The following DST variants were observed in gnomAD, a reference collection of about 807,000 sequenced individuals.
The protein encoded by DST is bullous pemphigoid antigen.
A neutral mutation model predicts 875.2 loss-of-function variants in DST; 253 were observed. The ratio of observed to expected loss-of-function variants is 0.29; its 90% confidence interval spans 0.26 to 0.32. The LOEUF (loss-of-function observed/expected upper bound fraction) is 0.32, where lower values mean the gene tolerates loss of function less well. Among genes scored for constraint, DST ranks in the 10% least tolerant of loss-of-function variants. DST has a pLI of 1.00. For missense variants in DST, 8,287 were observed against 9,111.6 expected (o/e 0.91, Z 3.68); for synonymous variants, 3,124 against 3,197.1 (o/e 0.98, Z 0.77).
intron 9 of DST, among the ~76,000 whole-genome samples, chr6:56,681,168 CT>C (rs985028398): frequency 2.1e-4 from 32 of 152,118 alleles, no homozygotes; most frequent in African/African-American, 7.5e-4. Flanking sequence ...GTATTTCCTC[CT>C]GCATTCCTAG....
At chr6:56,504,431 C>T (rs1451029605) in intron 77 of DST, among the ~76,000 whole-genome samples, 1 of 152,050 alleles carries the variant, frequency 6.6e-6, no homozygotes, top group Non-Finnish European at 1.5e-5. Flanking sequence ...TAAAAGGCAG[C>T]TTGTATAAAT....
chr6:56,779,301 T>G (rs2099686817), intron 4 of DST, among the ~76,000 whole-genome samples: 1 of 151,978 alleles, frequency 6.6e-6, no homozygotes, highest in Admixed American at 6.5e-5. Context: ...GTCAGATGAG[T>G]AGATTGCAAA....
In DST at chr6:56,603,915, C is replaced by G. The variant is rs1444408434; in HGVS notation, c.10713G>C (p.Leu3571=). 2.5e-6 allele frequency: 4 copies of G among 1,611,342 alleles called. No individual in the cohort carries two copies. Among genetic ancestry groups the G allele is most frequent in the African/African-American group, 1.3e-5 (1 of 74,856 alleles). ...TLPRDEKLKD[L]CNDFPSHLEC... The stretch of plus-strand genomic sequence containing the variant: ...CCAAATGGCTTGGGAAATCATTACA[C>G]AGATCCTTGAGCTTCTCATCTCTTG... The change falls in exon 40 of 104, where the codon CTG becomes CTC. Residue 3571 remains leucine, a synonymous_variant. Transcript: ENST00000680361.
At position 56,870,345 on chromosome 6, in the gene DST, G is replaced by A. The variant is rs187531284; in HGVS notation, c.418-18741C>T. On this transcript the variant is annotated intron_variant, in intron 3 of 103. Transcript: ENST00000680361. ...GACAATGATCGGGATATAAACCCAG[G>A]CACTCGAGCCAGCAAAGGCAACCCC... Among the ~76,000 whole-genome samples the A allele has an allele frequency of 7.4e-3, 1,103 of 149,330 alleles. 4 individuals are homozygous for A. The highest frequency in any genetic ancestry group is 0.012 in the Non-Finnish European group (782 of 67,746).
rs1794801385 is a variant in DST at position 56,902,925 on chromosome 6, T to TAC, written c.217-2306_217-2305dup. Among the ~76,000 whole-genome samples, 3 of 129,586 alleles carry TAC rather than the reference T, an allele frequency of 2.3e-5. No homozygotes were observed. In the South Asian group the frequency reaches 8.4e-4, roughly 36 times the overall value. 85.0% of individuals were successfully genotyped at this position (129,586 alleles called of 152,430 possible). Reference sequence around the variant, plus strand: ...CCACCCACCCGCCCCCTCCACCCTCTACACACACACATTCATTCTCTCTCT... The same window carrying TAC: ...CCACCCACCCGCCCCCTCCACCCTCTACACACACACACATTCATTCTCTCTCT... On this transcript the variant is annotated intron_variant, in intron 2 of 103. Transcript: ENST00000680361.
chr6:56,526,585 A>T lies in DST; in HGVS notation c.17923-18T>A, dbSNP rs1375073729. 24 of 1,609,258 alleles carry T rather than the reference A, an allele frequency of 1.5e-5. 1 individual carries two copies. In the Admixed American group the frequency reaches 4.0e-4, roughly 27 times the overall value. On this transcript the variant is annotated intron_variant, in intron 68 of 103. Coordinates refer to ENST00000680361, the MANE Select transcript of DST (RefSeq NM_001374736.1). ...TTCAGTTCCTGAAAACATACAAATA[A>T]GTTAGTAACACTTAAGAGCTTCAAC...
chr6:56,954,540 T>A lies in DST; in HGVS notation c.48A>T (p.Gln16His). 1 of 1,367,256 alleles carries A rather than the reference T, an allele frequency of 7.3e-7. No homozygotes were observed. The highest frequency in any genetic ancestry group is 9.8e-7 in the Non-Finnish European group (1 of 1,021,722). The allele number at this position is 1,367,256 out of a possible 1,614,324, so 84.7% of individuals were successfully genotyped here. ...GAAGCAACAAGAGGAAGAGGGCACA[T>A]TGGATGCTGTAGGGTCTCAGCAAGA... Reference protein sequence around the residue: ...FLVLLRPYSIQCALFLLLLLL... With the variant: ...FLVLLRPYSIHCALFLLLLLL... Residue 16 changes from glutamine to histidine, a missense_variant, in exon 1 of 104, where the codon CAA becomes CAT. By Grantham distance (24) the Gln-to-His change is conservative (BLOSUM62 0). Around this residue, in one of 10 missense-constraint regions of DST, gnomAD observed 1,160 missense variants for 1,424.3 expected, o/e 0.81. Transcript: ENST00000680361.
At chr6:56,718,931 G>T (rs1265443710) in intron 5 of DST, among the ~76,000 whole-genome samples, 1 of 152,126 alleles carries the variant, frequency 6.6e-6, no homozygotes, top group Non-Finnish European at 1.5e-5. Flanking sequence ...TGGGTACAAG[G>T]TTTCTTTTTG....
chr6:56,604,510 A>G lies in DST; in HGVS notation c.10118T>C (p.Val3373Ala), dbSNP rs749885653. The G allele has an allele frequency of 2.5e-5, 40 of 1,612,450 alleles. No homozygotes were observed. The highest frequency in any genetic ancestry group is 3.3e-5 in the Admixed American group (2 of 59,784). The change falls in exon 40 of 104, where the codon GTT becomes GCT. Residue 3373 changes from valine to alanine, a missense_variant. Val to Ala is a moderately conservative substitution (Grantham distance 64). Transcript: ENST00000680361. ...GTCTGCACAGGCTGAAGGTTCTTCA[A>G]CCTCTTGAGGGTTCATATGACCTTC... ...LKEGHMNPQE[V>A]EEPSACADTK... is the part of the protein sequence containing the mutation.
chr6:56,495,315 A>T (rs2095867834), intron 82 of DST, among the ~76,000 whole-genome samples: 1 of 151,910 alleles, frequency 6.6e-6, no homozygotes, highest in Admixed American at 6.6e-5. Context: ...GCTTTAAATC[A>T]CAAATTTAAA....
rs375712841 is a variant in DST at position 56,857,465 on chromosome 6, A to T, written c.418-5861T>A. ...TTTCTTCACAAACACTTAGAGAAGC[A>T]CTAGAAGCAGTGGCCTGTGTAAAGA... On this transcript the variant is annotated intron_variant, in intron 3 of 103. Transcript: ENST00000680361. Among the ~76,000 whole-genome samples the T allele has an allele frequency of 1.5e-4, 23 of 152,358 alleles. No individual in the cohort carries two copies. The East Asian group carries it at 2.7e-3, about 18-fold the overall frequency.
intron 36 of DST, chr6:56,617,049 C>A: frequency 1.2e-6 from 2 of 1,614,056 alleles, no homozygotes; most frequent in Non-Finnish European, 1.7e-6. Flanking sequence ...TAAAGCCCTG[C>A]AATTGAGGTG....
At chr6:56,531,034 T>C (rs934633507) in intron 64 of DST, among the ~76,000 whole-genome samples, 2 of 152,210 alleles carry the variant, frequency 1.3e-5, no homozygotes, top group African/African-American at 4.8e-5. Flanking sequence ...TTAAACATAA[T>C]TTCTATAACA....
At chr6:56,833,131 T>A (rs2099789318) in intron 4 of DST, among the ~76,000 whole-genome samples, 4 of 152,252 alleles carry the variant, frequency 2.6e-5, no homozygotes, top group Admixed American at 1.3e-4. Flanking sequence ...TCACTCTCTT[T>A]TTTCTAGCAA....
chr6:56,695,413 G>T (rs558869917), intron 9 of DST, among the ~76,000 whole-genome samples: 35 of 152,010 alleles, frequency 2.3e-4, no homozygotes, highest in African/African-American at 8.0e-4. Flanking sequence ...TAATACACCT[G>T]CCAAACTAAG....
At chr6:56,749,268 C>T (rs900278021) in intron 4 of DST, among the ~76,000 whole-genome samples, 1 of 152,056 alleles carries the variant, frequency 6.6e-6, no homozygotes, top group East Asian at 1.9e-4. Flanking sequence ...GCAGGAGAAT[C>T]GCTTTAACCC....
At chr6:56,875,040 G>A (rs866575562) in intron 3 of DST, among the ~76,000 whole-genome samples, 20 of 152,314 alleles carry the variant, frequency 1.3e-4, no homozygotes, top group Middle Eastern at 6.8e-3. Context: ...CTGAAGTGCA[G>A]TGGCGCGATC....
At chr6:56,771,657 G>C (rs1021454407) in intron 4 of DST, among the ~76,000 whole-genome samples, 3 of 152,068 alleles carry the variant, frequency 2.0e-5, no homozygotes, top group Non-Finnish European at 4.4e-5. Flanking sequence ...TGCTTGCCAT[G>C]AATACAAAAT....
chr6:56,871,417 G>A, intron 3 of DST: 2 of 1,586,680 alleles, frequency 1.3e-6, no homozygotes, highest in Non-Finnish European at 1.7e-6. Context: ...GCCAAGCAGT[G>A]AGGCCGGACA....
Sources: allele counts gnomAD v4.1 joint callset (sites outside exome capture counted in the v4.1 genomes callset), GRCh38; gene constraint gnomAD v4.1.1; regional missense constraint gnomAD v4.1.1; transcripts MANE v1.5; gene names NCBI Gene and HGNC (gene_info 2026-07-23, HGNC 2026-07-21).